Variants in NUCB2 observed in about 807,000 individuals in gnomAD.
The protein encoded by NUCB2 is nucleobindin 2, also known as nucleobindin-2.
A neutral mutation model predicts 57.9 loss-of-function variants in NUCB2; 48 were observed. The ratio of observed to expected loss-of-function variants is 0.83; its 90% CI spans 0.66 to 1.05. The LOEUF is 1.05. Among genes scored for constraint, NUCB2 ranks in the 50% least tolerant of loss-of-function variants. NUCB2 has a pLI of 0.00. For synonymous variants in NUCB2, 139 were observed against 152.1 expected (o/e 0.91, Z 0.64); for missense variants, 442 against 476.2 (o/e 0.93, Z 0.67).
chr11:17,343,106 GTC>G (rs1415020050), intron 2 of NUCB2, among the ~76,000 whole-genome samples: 1 of 151,744 alleles, frequency 6.6e-6, no homozygotes, highest in Non-Finnish European at 1.5e-5. Flanking sequence ...TTGGTTTAAA[GTC>G]TGTTTTATCA....
At chr11:17,341,409 T>C (rs1952253776) in intron 2 of NUCB2, among the ~76,000 whole-genome samples, 1 of 151,876 alleles carries the variant, frequency 6.6e-6, no homozygotes, top group Non-Finnish European at 1.5e-5. Context: ...TCAAAGGGAA[T>C]GCTTCCAGTT....
chr11:17,288,882 TACACACAC>T (rs1167995024), intron 2 of NUCB2, among the ~76,000 whole-genome samples: 680 of 44,614 alleles, frequency 0.015, 29 homozygotes, highest in African/African-American at 0.02. Flanking sequence ...AACATGTATA[TACACACAC>T]ACACACACAC....
intron 11 of NUCB2, among the ~76,000 whole-genome samples, chr11:17,328,837 C>G (rs1951019343): frequency 6.6e-6 from 1 of 152,120 alleles, no homozygotes. Context: ...ACAAAAATCG[C>G]CTTTACTTTC....
intron 3 of NUCB2, among the ~76,000 whole-genome samples, chr11:17,295,885 T>G (rs1945745760): frequency 6.6e-6 from 1 of 152,170 alleles, no homozygotes; most frequent in South Asian, 2.1e-4. Context: ...GAGAGTGTCG[T>G]AAAAAAGAAA....
intron 2 of NUCB2, among the ~76,000 whole-genome samples, chr11:17,294,070 C>G (rs1000314559): frequency 1.3e-5 from 2 of 152,180 alleles, no homozygotes; most frequent in African/African-American, 4.8e-5. Context: ...ACCCAAAATG[C>G]ACACCTATGT....
intron 2 of NUCB2, among the ~76,000 whole-genome samples, chr11:17,340,260 G>C (rs1952143514): frequency 6.6e-6 from 1 of 152,174 alleles, no homozygotes; most frequent in Admixed American, 6.5e-5. Flanking sequence ...CCCTTTGTCA[G>C]ATGAGTAGAT....
At chr11:17,291,707 T>C (rs1002470103) in intron 2 of NUCB2, among the ~76,000 whole-genome samples, 10 of 152,116 alleles carry the variant, frequency 6.6e-5, no homozygotes, top group African/African-American at 2.4e-4. Context: ...AAACCTGAAA[T>C]CAAGGAGGAG....
chr11:17,333,708 A>C (rs1157063809), downstream of NUCB2: 1 of 152,156 alleles, frequency 6.6e-6, no homozygotes, highest in Admixed American at 6.6e-5. Flanking sequence ...GAAAATTCTT[A>C]AGGGAAGGTT....
chr11:17,285,861 T>A (rs956356031), intron 2 of NUCB2, among the ~76,000 whole-genome samples: 3 of 151,958 alleles, frequency 2.0e-5, no homozygotes, highest in African/African-American at 7.2e-5. Flanking sequence ...TAATTTTTTT[T>A]AACCACTTCC....
chr11:17,304,883 CA>C (rs1292915124), intron 5 of NUCB2, among the ~76,000 whole-genome samples: 1 of 152,156 alleles, frequency 6.6e-6, no homozygotes, highest in African/African-American at 2.4e-5. Flanking sequence ...TGGGAAGACA[CA>C]ATAACTTTTT....
intron 2 of NUCB2, among the ~76,000 whole-genome samples, chr11:17,284,802 GA>G (rs947035051): frequency 6.6e-6 from 1 of 152,084 alleles, no homozygotes; most frequent in Non-Finnish European, 1.5e-5. Flanking sequence ...TTAATTAACA[GA>G]AAAGTATCAT....
intron 2 of NUCB2, chr11:17,286,554 T>G (rs184098416): frequency 6.6e-6 from 1 of 152,196 alleles, no homozygotes; most frequent in Non-Finnish European, 1.5e-5. Flanking sequence ...CATCCTACTT[T>G]AGAGAGTAAA....
intron 10 of NUCB2, among the ~76,000 whole-genome samples, chr11:17,313,944 A>T (rs1182906376): frequency 1.3e-5 from 2 of 152,234 alleles, no homozygotes; most frequent in East Asian, 3.9e-4. Context: ...GGTGAGTTCA[A>T]CATTTTTATC....
chr11:17,343,907 GTATT>G lies in NUCB2; in HGVS notation n.2627-5433_2627-5430del, dbSNP rs1952503250. On this transcript the variant is annotated intron_variant and non_coding_transcript_variant, in intron 2 of 2. Coordinates refer to the NUCB2 transcript ENST00000532240. ...TTTTTATTTCTTTTGATATGTGTGT[GTATT>G]TATTCCCTTTGATGTTCATAGTATG... Among the ~76,000 whole-genome samples the G allele has an allele frequency of 4.6e-5, 7 of 152,220 alleles. No homozygotes were observed. In the South Asian group the frequency reaches 1.5e-3, roughly 32 times the overall value.
At chr11:17,333,241 T>G (rs1951554500), downstream of NUCB2, 1 of 152,182 alleles carries the variant, frequency 6.6e-6, no homozygotes, top group Non-Finnish European at 1.5e-5. Context: ...AGGTTTTTAT[T>G]GTACATTAAT....
At chr11:17,281,379 C>G (rs776187835) in intron 1 of NUCB2, among the ~76,000 whole-genome samples, 2 of 152,112 alleles carry the variant, frequency 1.3e-5, no homozygotes, top group Non-Finnish European at 2.9e-5. Context: ...CTCAGCCTTT[C>G]AAAGTGCTGG....
At position 17,317,147 on chromosome 11, in the gene NUCB2, A is replaced by C. The variant is rs538210944; in HGVS notation, c.1002+1672A>C. On this transcript the variant is annotated intron_variant, in intron 11 of 13. Coordinates refer to ENST00000529010, the MANE Select transcript of NUCB2 (RefSeq NM_005013.4). Reference sequence around the variant, plus strand: ...ATAATTTCAGATTTACAAGAGTTGCAGGAATAGACAGGAAATCCCTGAATA... The same window carrying C: ...ATAATTTCAGATTTACAAGAGTTGCCGGAATAGACAGGAAATCCCTGAATA... Among the ~76,000 whole-genome samples the C allele has an allele frequency of 3.3e-5, 5 of 152,312 alleles. No individual in the cohort carries two copies. The East Asian group carries it at 9.6e-4, about 29-fold the overall frequency.
intron 1 of NUCB2, among the ~76,000 whole-genome samples, chr11:17,282,252 A>ATTTT (rs59444289): frequency 1.0e-5 from 1 of 95,442 alleles, no homozygotes; most frequent in African/African-American, 5.6e-5. Context: ...ATATATATAT[A>ATTTT]TATATATTTT....
chr11:17,320,587 A>G (rs1180761114), intron 11 of NUCB2, among the ~76,000 whole-genome samples: 1 of 151,992 alleles, frequency 6.6e-6, no homozygotes, highest in African/African-American at 2.4e-5. Flanking sequence ...AACCTGGGAG[A>G]TGGAGGTTGC....
Sources: allele counts gnomAD v4.1 joint callset (sites outside exome capture counted in the v4.1 genomes callset), GRCh38; gene constraint gnomAD v4.1.1; transcripts MANE v1.5; gene names NCBI Gene and HGNC (gene_info 2026-07-23, HGNC 2026-07-21).